The following BMS1 variants were observed in gnomAD, a reference collection of about 807,000 sequenced individuals.
BMS1 encodes the protein ribosome biogenesis protein BMS1 homolog.
Under a neutral mutation model 138.7 loss-of-function variants are expected in BMS1, and 53 were observed. The observed-to-expected ratio is 0.38, with a 90% CI of 0.31 to 0.48. The LOEUF is 0.48. Among genes scored for constraint, BMS1 ranks in the 20% least tolerant of loss-of-function variants. The pLI is 0.97. For missense variants in BMS1, 1,360 were observed against 1,565.5 expected (o/e 0.87, Z 2.22); for synonymous variants, 504 against 539.9 (o/e 0.93, Z 0.92).
rs1842519812 is a variant in BMS1, at chr10:42,822,153, A to G, written c.3101A>G (p.Tyr1034Cys). 6.7e-7 allele frequency: 1 copy of G among 1,501,074 alleles called. No individual in the cohort carries two copies. The highest frequency in any genetic ancestry group is 2.3e-5 in the East Asian group (1 of 44,306). 93.0% of individuals were successfully genotyped at this position (1,501,074 alleles called of 1,614,324 possible). A position where few individuals can be genotyped will look rare whatever the true frequency, so the allele number is the denominator to read the frequency against. Residue 1034 changes from tyrosine to cysteine, a missense_variant, in exon 19 of 23, where the codon TAT becomes TGT. Physicochemically the swap from Tyr to Cys is radical, Grantham distance 194. Transcript: ENST00000374518. ...AAATTAAAGCTAACTGGTTTTCCAT[A>G]TAAAATTTTCAAGAACACTTCATTT... The part of the protein sequence containing the change: ...VKKLKLTGFP[Y>C]KIFKNTSFIK...
chr10:42,787,632 T>TAA (rs889931052), intron 4 of BMS1, among the ~76,000 whole-genome samples: 4 of 152,196 alleles, frequency 2.6e-5, no homozygotes, highest in African/African-American at 9.7e-5. Context: ...TTAGCTTACA[T>TAA]AAACCCTTGA....
intron 12 of BMS1, among the ~76,000 whole-genome samples, chr10:42,799,311 T>C (rs6593493): frequency 0.026 from 4,029 of 152,312 alleles, 173 homozygotes; most frequent in African/African-American, 0.093. Context: ...TGTTTCACCA[T>C]GTTGAGCTAG....
intron 15 of BMS1, among the ~76,000 whole-genome samples, chr10:42,818,076 C>T (rs61844821): frequency 0.1 from 15,247 of 152,196 alleles, 918 homozygotes; most frequent in African/African-American, 0.14. Flanking sequence ...GACACAGAAA[C>T]GTGTGTACAG....
intron 15 of BMS1, 131 bp from the exon 16 acceptor site, chr10:42,820,105 T>C: frequency 5.6e-6 from 7 of 1,244,710 alleles, no homozygotes; most frequent in Non-Finnish European, 7.7e-6. Context: ...TGTGTAGTAT[T>C]TTTAATAGGG....
rs755913898 is a variant in BMS1 at position 42,785,521 on chromosome 10, G to A, written c.216G>A (p.Val72=). ...AGACAAAAAAGCATCATATTCCAGT[G>A]GTTGATCGAACTCCACTAGAGCCCC... ...DLKTKKHHIP[V]VDRTPLEPPP... The change falls in exon 3 of 23, where the codon GTG becomes GTA. Residue 72 remains valine (V), a synonymous_variant. Transcript: ENST00000374518. The A allele has an allele frequency of 1.9e-6, 3 of 1,613,306 alleles. No homozygotes were observed. Among genetic ancestry groups the A allele is most frequent in the South Asian group, 1.1e-5 (1 of 90,942 alleles).
intron 21 of BMS1, among the ~76,000 whole-genome samples, chr10:42,828,084 C>T (rs1842703222): frequency 6.6e-6 from 1 of 152,206 alleles, no homozygotes; most frequent in African/African-American, 2.4e-5. Context: ...CACCAGCTGC[C>T]ACGCCCTGGA....
At position 42,802,216 on chromosome 10, in the gene BMS1, A is replaced by T; in HGVS notation, c.2327A>T (p.Asp776Val). ...GATGCAGCCAAGGTCTTAGCAGAAG[A>T]TGGTAAGTAAAGAGCTGGGTTCTTC... ...DKDAAKVLAE[D>V]EELYGDFEDL... is the part of the protein sequence containing the mutation. The change falls in exon 13 of 23, where the codon GAT becomes GTT. Residue 776 changes from aspartate (D) to valine (V), a missense_variant and splice_region_variant. By Grantham distance (152) the Asp-to-Val change is radical. This residue lies in a region of BMS1 where 697 missense variants were observed against 686.2 expected (regional missense o/e 1.02). Transcript: ENST00000374518. The T allele has an allele frequency of 6.2e-7, 1 of 1,613,184 alleles. No individual in the cohort carries two copies. Among genetic ancestry groups the T allele is most frequent in the Non-Finnish European group, 8.5e-7 (1 of 1,179,430 alleles).
At chr10:42,824,899 T>C (rs1842595209) in intron 21 of BMS1, among the ~76,000 whole-genome samples, 1 of 152,260 alleles carries the variant, frequency 6.6e-6, no homozygotes, top group South Asian at 2.1e-4. Context: ...AGCTTTGTAA[T>C]ACAATTTTAA....
intron 4 of BMS1, among the ~76,000 whole-genome samples, chr10:42,787,873 C>T (rs1329002450): frequency 6.6e-6 from 1 of 152,110 alleles, no homozygotes. Context: ...AATGCTCTTG[C>T]ATTTATGGAA....
chr10:42,802,265 T>C (rs776608334), intron 13 of BMS1, 47 bp downstream of exon 13: 1 of 1,540,626 alleles, frequency 6.5e-7, no homozygotes. Context: ...TCTCTAAACT[T>C]TATTTTCTTC....
In BMS1 at chr10:42,792,494, A is replaced by T. The variant is rs188413818; in HGVS notation, c.781A>T (p.Met261Leu). 1 of 1,611,160 alleles carries T rather than the reference A, an allele frequency of 6.2e-7. No individual in the cohort carries two copies. Among genetic ancestry groups the T allele is most frequent in the South Asian group, 1.1e-5 (1 of 90,756 alleles). ...CTGTGATTGAATTTATTTTTCTAGG[A>T]TGGAAGATTTGACAAACCCAGAGGA... ...TSHPYILADR[M>L]EDLTNPEDIR... Residue 261 changes from methionine (M) to leucine (L), a missense_variant and splice_region_variant, in exon 7 of 23, where the codon ATG becomes TTG. Physicochemically the swap from Met to Leu is conservative, Grantham distance 15 (BLOSUM62 2). Coordinates refer to ENST00000374518, the MANE Select transcript of BMS1 (RefSeq NM_014753.4).
chr10:42,783,001 G>A (rs1043671718), intron 1 of BMS1, among the ~76,000 whole-genome samples, 171 bp downstream of exon 1: 32 of 152,166 alleles, frequency 2.1e-4, no homozygotes, highest in Admixed American at 2.0e-3. Flanking sequence ...GTAGTTGGGT[G>A]AGTGACGTGA....
chr10:42,823,309 T>C (rs1203704873), intron 20 of BMS1, 44 bp downstream of exon 20: 1 of 1,506,462 alleles, frequency 6.6e-7, no homozygotes, highest in Non-Finnish European at 8.8e-7. Context: ...TTACCATTCA[T>C]GCTTGACTTC....
intron 13 of BMS1, among the ~76,000 whole-genome samples, chr10:42,814,396 A>AT (rs147171869): frequency 0.074 from 11,167 of 151,340 alleles, 693 homozygotes; most frequent in African/African-American, 0.16. Context: ...ATCTAGATAG[A>AT]TTTTTTTTTA....
intron 3 of BMS1, 123 bp from the exon 4 acceptor site, chr10:42,787,045 G>T: frequency 1.3e-6 from 1 of 746,222 alleles, no homozygotes; most frequent in Non-Finnish European, 2.3e-6. Flanking sequence ...TGAACTTCTT[G>T]TATGCTCCTG....
rs1232911844 is a variant in BMS1 at position 42,834,378 on chromosome 10, A to T, written c.*3282A>T. 6.5e-5 allele frequency: 9 copies of T among 137,936 alleles called. No individual in the cohort carries two copies. The highest frequency in any genetic ancestry group is 5.2e-4 in the Admixed American group (7 of 13,434). 8.5% of individuals were successfully genotyped at this position (137,936 alleles called of 1,614,324 possible). On this transcript the variant is annotated 3_prime_UTR_variant, in exon 23 of 23. Coordinates refer to ENST00000374518, the MANE Select transcript of BMS1 (RefSeq NM_014753.4). ...TGATTCAGCTCTCTGGAGGCTCCAGAGCTTACCTCGCTGATGGGAAAAAGA... is the reference window on the plus strand; with the variant it reads ...TGATTCAGCTCTCTGGAGGCTCCAGTGCTTACCTCGCTGATGGGAAAAAGA...
intron 4 of BMS1, among the ~76,000 whole-genome samples, chr10:42,787,546 A>G (rs1841374746): frequency 6.6e-6 from 1 of 152,246 alleles, no homozygotes; most frequent in South Asian, 2.1e-4. Context: ...ATACATATAT[A>G]CGTACAAATA....
chr10:42,783,027 A>C (rs1427943904), intron 1 of BMS1, among the ~76,000 whole-genome samples, 197 bp downstream of exon 1: 2 of 151,910 alleles, frequency 1.3e-5, no homozygotes, highest in African/African-American at 2.4e-5. Context: ...CCCTGCAGAG[A>C]GCCCAGACGG....
At chr10:42,802,272 C>A in intron 13 of BMS1, 54 bp downstream of exon 13, 1 of 1,490,478 alleles carries the variant, frequency 6.7e-7, no homozygotes, top group South Asian at 1.2e-5. Context: ...ACTTTATTTT[C>A]TTCAGTATCT....
Sources: allele counts gnomAD v4.1 joint callset (sites outside exome capture counted in the v4.1 genomes callset), GRCh38; gene constraint gnomAD v4.1.1; regional missense constraint gnomAD v4.1.1; transcripts MANE v1.5; gene names NCBI Gene and HGNC (gene_info 2026-07-23, HGNC 2026-07-21).